PHLPP1: variants seen among roughly 807,000 people sequenced by gnomAD.
The protein encoded by PHLPP1 is PH domain leucine-rich repeat-containing protein phosphatase 1.
Under a neutral mutation model 117.2 loss-of-function variants are expected in PHLPP1, and 42 were observed. The ratio of observed to expected loss-of-function variants is 0.36; its 90% CI spans 0.28 to 0.46. The LOEUF is 0.46. Ranked by LOEUF, PHLPP1 falls within the 20% of genes least tolerant of loss-of-function variation. The pLI, the probability that PHLPP1 is intolerant of heterozygous loss-of-function variation, is 1.00. For synonymous variants in PHLPP1, 1,042 were observed against 970.7 expected, an observed-to-expected ratio of 1.07 and a Z score of -1.37; for missense variants, 2,084 against 2,241.9, an observed-to-expected ratio of 0.93 and a Z score of 1.42.
rs763887539 is a variant in PHLPP1 at position 62,975,537 on chromosome 18, G to C, written c.3896G>C (p.Gly1299Ala). The change falls in exon 16 of 17, where the codon GGA becomes GCA. Residue 1299 changes from glycine (G) to alanine (A), a missense_variant. Physicochemically the swap from Gly to Ala is moderately conservative, Grantham distance 60. Transcript: ENST00000262719. ...TGCCAAACAGTTCTCTGTCGAAATGGAAAGCCGCTGCCTCTGTCCAGATCT... is the reference window on the plus strand; with the variant it reads ...TGCCAAACAGTTCTCTGTCGAAATGCAAAGCCGCTGCCTCTGTCCAGATCT... Reference protein sequence around the residue: ...GKCQTVLCRNGKPLPLSRSYI... With the variant: ...GKCQTVLCRNAKPLPLSRSYI... 6.2e-7 allele frequency: 1 copy of C among 1,613,990 alleles called. No homozygotes were observed. Among genetic ancestry groups the C allele is most frequent in the Non-Finnish European group, 8.5e-7 (1 of 1,179,870 alleles).
At chr18:62,743,226 C>T (rs1450025049) in intron 1 of PHLPP1, among the ~76,000 whole-genome samples, 4 of 151,874 alleles carry the variant, frequency 2.6e-5, no homozygotes, top group African/African-American at 9.7e-5. Context: ...TTGTCTTAAT[C>T]CTGTGCATCA....
intron 4 of PHLPP1, among the ~76,000 whole-genome samples, chr18:62,889,357 T>C (rs1404004301): frequency 6.6e-6 from 1 of 152,182 alleles, no homozygotes; most frequent in Non-Finnish European, 1.5e-5. Flanking sequence ...GAGAGCCACA[T>C]ACCATATATC....
intron 1 of PHLPP1, among the ~76,000 whole-genome samples, chr18:62,738,644 A>G (rs541331863): frequency 2.6e-5 from 4 of 152,304 alleles, no homozygotes; most frequent in Admixed American, 6.5e-5. Context: ...TTTCCTATAC[A>G]TATATTCCTA....
intron 10 of PHLPP1, 54 bp downstream of exon 10, chr18:62,920,168 T>C: frequency 1.3e-6 from 2 of 1,501,890 alleles, no homozygotes; most frequent in East Asian, 2.3e-5. Flanking sequence ...CCCTCATTTG[T>C]ATCTTTGTCT....
intron 1 of PHLPP1, among the ~76,000 whole-genome samples, chr18:62,760,523 C>A (rs1352170001): frequency 6.6e-6 from 1 of 152,144 alleles, no homozygotes; most frequent in Non-Finnish European, 1.5e-5. Flanking sequence ...GGGTTTGAAT[C>A]CTGGTTTCAC....
At chr18:62,812,770 C>T (rs1270361307) in intron 1 of PHLPP1, among the ~76,000 whole-genome samples, 4 of 150,936 alleles carry the variant, frequency 2.7e-5, no homozygotes, top group African/African-American at 4.9e-5. Flanking sequence ...GCTGGGAAGG[C>T]GGTGATTAAA....
At chr18:62,728,244 G>A (rs1911133346) in intron 1 of PHLPP1, among the ~76,000 whole-genome samples, 2 of 151,248 alleles carry the variant, frequency 1.3e-5, no homozygotes, top group South Asian at 4.2e-4. Flanking sequence ...GTAGTGAGCC[G>A]AGATGGTGCC....
chr18:62,927,621 C>G (rs967465201), intron 10 of PHLPP1, among the ~76,000 whole-genome samples: 2 of 150,274 alleles, frequency 1.3e-5, no homozygotes, highest in Non-Finnish European at 3.0e-5. Flanking sequence ...AGAATACACC[C>G]GAAAAATTAA....
intron 4 of PHLPP1, among the ~76,000 whole-genome samples, chr18:62,890,053 C>T (rs927306956): frequency 2.0e-5 from 3 of 149,984 alleles, no homozygotes; most frequent in African/African-American, 7.4e-5. Context: ...GCACTTGGCA[C>T]CTAGGACTGA....
At chr18:62,877,885 C>T (rs1025240106) in intron 4 of PHLPP1, among the ~76,000 whole-genome samples, 17 of 152,128 alleles carry the variant, frequency 1.1e-4, no homozygotes, top group African/African-American at 3.1e-4. Flanking sequence ...ATTTTGAAGA[C>T]GGAGCTCAGA....
At chr18:62,797,501 G>A (rs1002379011) in intron 1 of PHLPP1, among the ~76,000 whole-genome samples, 3 of 152,236 alleles carry the variant, frequency 2.0e-5, no homozygotes, top group African/African-American at 7.2e-5. Context: ...GTAGGGCAGG[G>A]TAAGGAGGTG....
chr18:62,774,439 A>G (rs556620029), intron 1 of PHLPP1, among the ~76,000 whole-genome samples: 2 of 152,308 alleles, frequency 1.3e-5, no homozygotes, highest in African/African-American at 4.8e-5. Flanking sequence ...TTTTTCTTCT[A>G]CAAATGGATT....
chr18:62,979,006 A>G lies in PHLPP1; in HGVS notation c.4729A>G (p.Lys1577Glu). ...VDIHCSRAKE[K>E]EKQQHLLQVP... Reference sequence around the variant, plus strand: ...CATCCACTGCAGCCGGGCCAAGGAGAAGGAGAAACAGCAGCACCTGCTTCA... The same window carrying G: ...CATCCACTGCAGCCGGGCCAAGGAGGAGGAGAAACAGCAGCACCTGCTTCA... The change falls in exon 17 of 17, where the codon AAG (lysine) becomes GAG (glutamate). Residue 1577 changes from lysine to glutamate, a missense_variant. Physicochemically the swap from Lys to Glu is moderately conservative, Grantham distance 56 (BLOSUM62 1). Around this residue, in one of 2 missense-constraint regions of PHLPP1, gnomAD observed 1,365 missense variants for 1,605.9 expected, o/e 0.85. Transcript: ENST00000262719. 1.2e-6 allele frequency: 2 copies of G among 1,613,062 alleles called. No individual in the cohort carries two copies. Among genetic ancestry groups the G allele is most frequent in the Non-Finnish European group, 1.7e-6 (2 of 1,179,686 alleles).
chr18:62,974,808 T>G (rs1911142898), intron 15 of PHLPP1, among the ~76,000 whole-genome samples: 1 of 152,152 alleles, frequency 6.6e-6, no homozygotes, highest in African/African-American at 2.4e-5. Flanking sequence ...TTTTCTAGAA[T>G]AGATGGTGCT....
intron 3 of PHLPP1, among the ~76,000 whole-genome samples, chr18:62,845,057 A>G (rs1198020888): frequency 2.0e-5 from 3 of 151,594 alleles, no homozygotes; most frequent in Non-Finnish European, 4.4e-5. Context: ...GTGTAGGGAA[A>G]AGGAAAAGGC....
At chr18:62,763,176 A>G (rs1052690152) in intron 1 of PHLPP1, among the ~76,000 whole-genome samples, 1 of 152,306 alleles carries the variant, frequency 6.6e-6, no homozygotes, top group South Asian at 2.1e-4. Flanking sequence ...TGAGCTCCCA[A>G]GCTGTGTAGA....
chr18:62,974,580 A>G (rs1339531276), intron 15 of PHLPP1, among the ~76,000 whole-genome samples: 1 of 152,172 alleles, frequency 6.6e-6, no homozygotes, highest in Non-Finnish European at 1.5e-5. Context: ...ATAGTTGTTC[A>G]TGAGGCCATG....
intron 9 of PHLPP1, among the ~76,000 whole-genome samples, chr18:62,915,415 G>T (rs1909240752): frequency 6.6e-6 from 1 of 152,042 alleles, no homozygotes; most frequent in Admixed American, 6.6e-5. Context: ...AACTTTGACG[G>T]GGGAAAAAGA....
At chr18:62,958,803 G>C in intron 13 of PHLPP1, 44 bp downstream of exon 13, 1 of 1,599,442 alleles carries the variant, frequency 6.3e-7, no homozygotes, top group Non-Finnish European at 8.6e-7. Flanking sequence ...TTGTCCACTG[G>C]CAATGGGATT....
Sources: gnomAD v4.1 joint callset for allele counts (sites outside exome capture counted in the v4.1 genomes callset) on GRCh38, gnomAD v4.1.1 for gene constraint, gnomAD v4.1.1 regional missense constraint, MANE v1.5 for transcripts, NCBI Gene and HGNC (gene_info 2026-07-23, HGNC 2026-07-21) for gene names.